Variants in RBFOX3 observed in about 807,000 individuals in gnomAD.
The protein encoded by RBFOX3 is RNA binding fox-1 homolog 3.
Under a neutral mutation model 48.7 loss-of-function variants are expected in RBFOX3, and 17 were observed. The observed-to-expected ratio is 0.35, with a 90% CI of 0.24 to 0.52. The LOEUF is 0.52. Among genes scored for constraint, RBFOX3 ranks in the 20% least tolerant of loss-of-function variants. The probability of loss-of-function intolerance (pLI) is 0.94; values close to 1 mark genes in which losing one functional copy is unlikely to be tolerated. For missense variants in RBFOX3, 382 were observed against 497.5 expected (o/e 0.77, Z 2.21); for synonymous variants, 212 against 209.5 (o/e 1.01, Z -0.10).
intron 4 of RBFOX3, among the ~76,000 whole-genome samples, chr17:79,120,628 T>C (rs1276120337): frequency 8.2e-6 from 1 of 122,080 alleles, no homozygotes; most frequent in African/African-American, 3.2e-5. Flanking sequence ...GAAAGAAGGG[T>C]GGATGAAAAA....
intron 2 of RBFOX3, among the ~76,000 whole-genome samples, chr17:79,441,105 C>G (rs1297913351): frequency 2.0e-5 from 3 of 152,188 alleles, no homozygotes; most frequent in Non-Finnish European, 4.4e-5. Context: ...CGGAGGCAAC[C>G]AGAGACACAG....
chr17:79,390,354 C>T lies in RBFOX3; in HGVS notation c.-174-82530G>A, dbSNP rs528915505. 7.9e-3 allele frequency among the ~76,000 whole-genome samples: 1,210 copies of T among 152,336 alleles called. 8 individuals carry two copies. Among genetic ancestry groups the T allele is most frequent in the Middle Eastern group, 0.027 (8 of 294 alleles). ...TGGCTTTGCCACGCTGTGGTTTCATCACGACCATCACGGCCAGGTGACGGG... is the reference window on the plus strand; with the variant it reads ...TGGCTTTGCCACGCTGTGGTTTCATTACGACCATCACGGCCAGGTGACGGG... On this transcript the variant is annotated intron_variant, in intron 2 of 14. Coordinates refer to ENST00000693108, the MANE Select transcript of RBFOX3 (RefSeq NM_001350451.2). This position sits in a 1 kb window ranked among gnomAD's most constrained non-coding sequence, Gnocchi z 4.2.
intron 4 of RBFOX3, among the ~76,000 whole-genome samples, chr17:79,196,870 G>A (rs1000083838): frequency 9.2e-5 from 14 of 152,176 alleles, no homozygotes; most frequent in African/African-American, 3.1e-4. Context: ...GCTCAAACTG[G>A]TTTGCATTCT....
chr17:79,455,559 G>A (rs1555744355), intron 2 of RBFOX3, among the ~76,000 whole-genome samples: 1 of 152,082 alleles, frequency 6.6e-6, no homozygotes, highest in African/African-American at 2.4e-5. Flanking sequence ...GGGTGAAAGG[G>A]GGAGGCCAGG....
At chr17:79,102,009 T>C (rs1036474944) in intron 8 of RBFOX3, among the ~76,000 whole-genome samples, 2 of 151,968 alleles carry the variant, frequency 1.3e-5, no homozygotes, top group Non-Finnish European at 2.9e-5. Flanking sequence ...GGATGCCCCC[T>C]CCTCCCTGAG....
intron 2 of RBFOX3, among the ~76,000 whole-genome samples, chr17:79,382,061 GACTAA>G (rs1251621897): frequency 6.6e-6 from 1 of 152,220 alleles, no homozygotes; most frequent in Non-Finnish European, 1.5e-5. Flanking sequence ...GGTCCAGAAA[GACTAA>G]ACTCACACAC....
chr17:79,600,255 C>A (rs1200441739), intron 1 of RBFOX3: 1 of 152,296 alleles, frequency 6.6e-6, no homozygotes, highest in Non-Finnish European at 1.5e-5. Flanking sequence ...TGTGGGTACA[C>A]AAATGCAGAA....
chr17:79,158,818 G>C (rs934654427), intron 4 of RBFOX3, among the ~76,000 whole-genome samples: 11 of 152,206 alleles, frequency 7.2e-5, no homozygotes, highest in African/African-American at 2.7e-4. Context: ...AAAGGGACCT[G>C]GCTCAGCCCA....
intron 1 of RBFOX3, among the ~76,000 whole-genome samples, chr17:79,536,374 C>T (rs968129244): frequency 6.6e-6 from 1 of 152,232 alleles, no homozygotes; most frequent in African/African-American, 2.4e-5. Flanking sequence ...ACACAGCCCA[C>T]CCCCATTATT....
At chr17:79,540,908 G>A (rs149045197) in intron 1 of RBFOX3, among the ~76,000 whole-genome samples, 2 of 152,268 alleles carry the variant, frequency 1.3e-5, no homozygotes, top group Non-Finnish European at 2.9e-5. Flanking sequence ...AGAGACACGG[G>A]GCCACTAGCT....
chr17:79,178,797 G>A (rs962471018), intron 4 of RBFOX3, among the ~76,000 whole-genome samples: 1 of 152,212 alleles, frequency 6.6e-6, no homozygotes, highest in South Asian at 2.1e-4. Flanking sequence ...GCGCAGGACC[G>A]CTGCGTGGGT....
intron 3 of RBFOX3, among the ~76,000 whole-genome samples, chr17:79,305,321 C>A (rs2075954232): frequency 6.6e-6 from 1 of 152,162 alleles, no homozygotes; most frequent in Admixed American, 6.5e-5. Context: ...TCCTGCCTTT[C>A]AATCATTATG....
intron 1 of RBFOX3, among the ~76,000 whole-genome samples, chr17:79,484,699 C>A (rs797037649): frequency 6.6e-6 from 1 of 152,046 alleles, no homozygotes; most frequent in African/African-American, 2.4e-5. Context: ...AGAAAGCAGG[C>A]GGCAGGCTTC....
At chr17:79,315,829 C>T (rs1231521881) in intron 2 of RBFOX3, among the ~76,000 whole-genome samples, 5 of 152,090 alleles carry the variant, frequency 3.3e-5, no homozygotes, top group Admixed American at 2.6e-4. Flanking sequence ...AATGGCGCGC[C>T]GAGGGGATTC....
chr17:79,567,830 A>C lies in RBFOX3; in HGVS notation c.-320+42996T>G, dbSNP rs925833960. On this transcript the variant is annotated intron_variant, in intron 1 of 14. Coordinates refer to ENST00000693108, the MANE Select transcript of RBFOX3 (RefSeq NM_001350451.2). The stretch of plus-strand genomic sequence containing the variant: ...AGGCTCTCCAAGCCAGGGCTAGCCA[A>C]GTCAAATCAATAAAGAAAACCCTCT... 1.0e-3 allele frequency among the ~76,000 whole-genome samples: 155 copies of C among 152,346 alleles called. 1 individual carries two copies. The highest frequency in any genetic ancestry group is 3.6e-3 in the African/African-American group (151 of 41,582).
At chr17:79,189,548 A>C (rs2054062214) in intron 4 of RBFOX3, among the ~76,000 whole-genome samples, 1 of 152,218 alleles carries the variant, frequency 6.6e-6, no homozygotes. Flanking sequence ...TGCAGCAATT[A>C]TCTCGAATTT....
intron 3 of RBFOX3, among the ~76,000 whole-genome samples, chr17:79,281,034 T>TC (rs2070344632): frequency 6.6e-6 from 1 of 152,220 alleles, no homozygotes; most frequent in Non-Finnish European, 1.5e-5. Context: ...ACCACATCTA[T>TC]CACCCCCACT....
chr17:79,452,880 G>C (rs994883374), intron 2 of RBFOX3, among the ~76,000 whole-genome samples: 4 of 152,222 alleles, frequency 2.6e-5, no homozygotes, highest in African/African-American at 7.2e-5. Flanking sequence ...TTTGGACCAA[G>C]AAGCCAGTGG....
chr17:79,442,355 GA>G lies in RBFOX3; in HGVS notation c.-175+40098del, dbSNP rs1365322351. ...AGAGAGGGAGGGAGGGAGGGAGGAAGAGGGGGGGAGAGAGAGAGAGAGAGAG... is the reference window on the plus strand; with the variant it reads ...AGAGAGGGAGGGAGGGAGGGAGGAAGGGGGGGGAGAGAGAGAGAGAGAGAG... On this transcript the variant is annotated intron_variant, in intron 2 of 14. Coordinates refer to ENST00000693108, the MANE Select transcript of RBFOX3 (RefSeq NM_001350451.2). Among the ~76,000 whole-genome samples, 8 of 34,944 alleles carry G rather than the reference GA, an allele frequency of 2.3e-4. 1 individual carries two copies. The highest frequency in any genetic ancestry group is 7.8e-4 in the African/African-American group (6 of 7,736). 22.9% of individuals were successfully genotyped at this position (34,944 alleles called of 152,430 possible). A position where few individuals can be genotyped will look rare whatever the true frequency, so the allele number is the denominator to read the frequency against.
Sources: gnomAD v4.1 joint callset for allele counts (sites outside exome capture counted in the v4.1 genomes callset) on GRCh38, gnomAD v4.1.1 for gene constraint, Gnocchi (gnomAD v3.1) non-coding constraint, MANE v1.5 for transcripts, NCBI Gene and HGNC (gene_info 2026-07-23, HGNC 2026-07-21) for gene names.